Variants in MAG observed in about 807,000 individuals in gnomAD.
MAG encodes the protein myelin-associated glycoprotein.
Under a neutral mutation model 60.7 loss-of-function variants are expected in MAG, and 30 were observed. The observed-to-expected ratio is 0.49, with a 90% CI of 0.37 to 0.67. MAG has a LOEUF of 0.67. Ranked by LOEUF, MAG falls within the 30% of genes least tolerant of loss-of-function variation. MAG has a pLI of 0.00. For synonymous variants in MAG, 384 were observed against 376.8 expected, an observed-to-expected ratio of 1.02 and a Z score of -0.22; for missense variants, 795 against 851.7, an observed-to-expected ratio of 0.93 and a Z score of 0.83.
At chr19:35,300,462 AG>A (rs1370697262) in intron 6 of MAG, 58 bp downstream of exon 6, 1 of 1,507,684 alleles carries the variant, frequency 6.6e-7, no homozygotes, top group Non-Finnish European at 8.9e-7. Context: ...ATAAAGGGAA[AG>A]GGGCCTCATC....
At chr19:35,310,701 G>T in intron 9 of MAG, 58 bp downstream of exon 9, 1 of 1,493,446 alleles carries the variant, frequency 6.7e-7, no homozygotes. Flanking sequence ...GGACCTGGTG[G>T]GAGATGGAGG....
chr19:35,304,324 C>A (rs2066469118), intron 7 of MAG, among the ~76,000 whole-genome samples: 1 of 152,134 alleles, frequency 6.6e-6, no homozygotes, highest in African/African-American at 2.4e-5. Context: ...CTGTTACACC[C>A]CACACCAGTG....
At chr19:35,298,320 C>A (rs372995185) in intron 4 of MAG, among the ~76,000 whole-genome samples, 272 of 147,950 alleles carry the variant, frequency 1.8e-3, no homozygotes, top group African/African-American at 6.2e-3. Context: ...AGTACCCAAA[C>A]CACACGCCAC....
chr19:35,309,357 C>T (rs1052569009), intron 7 of MAG, among the ~76,000 whole-genome samples: 6 of 152,146 alleles, frequency 3.9e-5, no homozygotes, highest in Non-Finnish European at 8.8e-5. Context: ...CCAGACACGT[C>T]CGTGAGGGTC....
intron 4 of MAG, among the ~76,000 whole-genome samples, chr19:35,298,498 C>T (rs1471567964): frequency 6.6e-6 from 1 of 150,518 alleles, no homozygotes; most frequent in African/African-American, 2.5e-5. Flanking sequence ...ACACAACACA[C>T]ACTGCAGACA....
chr19:35,309,715 A>G, intron 7 of MAG, 159 bp from the exon 8 acceptor site: 1 of 787,500 alleles, frequency 1.3e-6, no homozygotes, highest in Non-Finnish European at 2.1e-6. Context: ...AGGCGCTCTC[A>G]GTCAGGACAG....
intron 7 of MAG, among the ~76,000 whole-genome samples, chr19:35,303,674 A>G (rs1047693933): frequency 6.6e-6 from 1 of 152,212 alleles, no homozygotes; most frequent in Non-Finnish European, 1.5e-5. Context: ...GAACAGGTAC[A>G]GAATAGCTGG....
rs2066433145 is a variant in MAG, at chr19:35,299,810, C to T, written c.672C>T (p.Thr224=). Residue 224 remains threonine (T), a synonymous_variant, in exon 5 of 11, where the codon ACC becomes ACT. Coordinates refer to ENST00000392213, the MANE Select transcript of MAG (RefSeq NM_002361.4). ...RLGCQASFPN[T]TLQFEGYASM... is the part of the protein sequence containing the mutation. Reference sequence around the variant, plus strand: ...GCTGCCAGGCCTCCTTCCCCAACACCACCCTGCAGTTCGAGGGCTACGCCA... The same window carrying T: ...GCTGCCAGGCCTCCTTCCCCAACACTACCCTGCAGTTCGAGGGCTACGCCA... 6.5e-7 allele frequency: 1 copy of T among 1,535,732 alleles called. No individual in the cohort carries two copies. Among genetic ancestry groups the T allele is most frequent in the South Asian group, 1.2e-5 (1 of 84,032 alleles).
chr19:35,295,284 T>A lies in MAG; in HGVS notation c.-23-102T>A. 1.2e-6 allele frequency: 1 copy of A among 862,934 alleles called. No homozygotes were observed. The highest frequency in any genetic ancestry group is 1.8e-6 in the Non-Finnish European group (1 of 546,610). The allele number at this position is 862,934 out of a possible 1,614,324, so 53.5% of individuals were successfully genotyped here. On this transcript the variant is annotated intron_variant, in intron 2 of 10. Coordinates refer to ENST00000392213, the MANE Select transcript of MAG (RefSeq NM_002361.4). The surrounding 1 kb of genome is among the most constrained non-coding windows in gnomAD (Gnocchi z 5.8). ...AAATAAATGCATAAATAAATAATAA[T>A]AGCAGCAGCAGCTAACATATGAATG...
intron 4 of MAG, among the ~76,000 whole-genome samples, chr19:35,296,692 C>A (rs1005686139): frequency 2.0e-5 from 3 of 151,672 alleles, no homozygotes; most frequent in Non-Finnish European, 4.4e-5. Context: ...AGCGCTGAGT[C>A]CCTATGAGAG....
chr19:35,310,706 T>C (rs2066521062), intron 9 of MAG, 63 bp downstream of exon 9: 1 of 1,469,188 alleles, frequency 6.8e-7, no homozygotes, highest in African/African-American at 1.4e-5. Flanking sequence ...TGGTGGGAGA[T>C]GGAGGCCCAG....
At chr19:35,311,857 A>G in intron 9 of MAG, 61 bp from the exon 10 acceptor site, 1 of 1,257,872 alleles carries the variant, frequency 7.9e-7, no homozygotes, top group Non-Finnish European at 1.1e-6. Flanking sequence ...CCAAACTCCT[A>G]AAACACGTGG....
At chr19:35,302,325 G>T in intron 6 of MAG, 123 bp from the exon 7 acceptor site, 1 of 1,182,398 alleles carries the variant, frequency 8.5e-7, no homozygotes, top group East Asian at 2.5e-5. Flanking sequence ...GGGGTCACCT[G>T]AGCCTTCCTG....
In MAG at chr19:35,295,905, G is replaced by A. The variant is rs2066394232; in HGVS notation, c.339G>A (p.Gly113=). The A allele has an allele frequency of 6.2e-7, 1 of 1,614,016 alleles. No homozygotes were observed. Among genetic ancestry groups the A allele is most frequent in the South Asian group, 1.1e-5 (1 of 91,074 alleles). ...LLSNVSPELG[G]KYYFRGDLGG... ...GCAACGTCAGCCCCGAGCTGGGCGG[G>A]AAGTACTACTTCCGTGGGGACCTGG... The change falls in exon 4 of 11, where the codon GGG becomes GGA. Residue 113 remains glycine (G), a synonymous_variant. Transcript: ENST00000392213. The surrounding 1 kb of genome is among the most constrained non-coding windows in gnomAD (Gnocchi z 5.8).
chr19:35,312,509 C>G, intron 10 of MAG: 1 of 378,168 alleles, frequency 2.6e-6, no homozygotes, highest in African/African-American at 2.1e-5. Context: ...GGCCACCGTC[C>G]TGTGTGTCCA....
In MAG at chr19:35,300,349, C is replaced by T. The variant is rs1056934371; in HGVS notation, c.915C>T (p.Cys305=). The T allele has an allele frequency of 1.9e-6, 3 of 1,597,850 alleles. No homozygotes were observed. Among genetic ancestry groups the T allele is most frequent in the South Asian group, 2.2e-5 (2 of 90,944 alleles). ...VTPAEDGVYA[C]LAENAYGQDN... ...CCGCCGAAGACGGCGTCTATGCCTG[C>T]CTGGCCGAGAATGCCTATGGCCAGG... The change falls in exon 6 of 11, where the codon TGC becomes TGT. Residue 305 remains cysteine (C), a synonymous_variant. Transcript: ENST00000392213.
intron 1 of MAG, 26 bp downstream of exon 1, chr19:35,292,230 G>A (rs1293122621): frequency 8.8e-6 from 4 of 456,076 alleles, no homozygotes; most frequent in South Asian, 6.2e-5. Context: ...GGGAGGCCAG[G>A]GCAAGGGGAG....
chr19:35,296,038 G>T (rs2066396006), intron 4 of MAG, 57 bp downstream of exon 4: 7 of 1,519,732 alleles, frequency 4.6e-6, no homozygotes, highest in Admixed American at 4.2e-5. Flanking sequence ...GCGGGAAGGA[G>T]TGTGGCCGGA....
rs751237118 is a variant in MAG at position 35,310,574 on chromosome 19, C to T, written c.1547C>T (p.Pro516Leu). The change falls in exon 9 of 11, where the codon CCT becomes CTT. Residue 516 changes from proline to leucine, a missense_variant. By Grantham distance (98) the Pro-to-Leu change is moderately conservative. Coordinates refer to ENST00000392213, the MANE Select transcript of MAG (RefSeq NM_002361.4). ...CGACTGATGTGGGCCAAGATCGGGC[C>T]TGTGGGCGCCGTGGTCGCCTTTGCC... ...AHRLMWAKIG[P>L]VGAVVAFAIL... 4 of 1,614,072 alleles carry T rather than the reference C, an allele frequency of 2.5e-6. No individual in the cohort carries two copies. Among genetic ancestry groups the T allele is most frequent in the African/African-American group, 2.7e-5 (2 of 74,952 alleles).
Sources: gnomAD v4.1 joint callset for allele counts (sites outside exome capture counted in the v4.1 genomes callset) on GRCh38, gnomAD v4.1.1 for gene constraint, Gnocchi (gnomAD v3.1) non-coding constraint, MANE v1.5 for transcripts, NCBI Gene and HGNC (gene_info 2026-07-23, HGNC 2026-07-21) for gene names.